Variants in GOLGA3 observed in about 807,000 individuals in gnomAD.
The protein encoded by GOLGA3 is golgin subfamily A member 3.
Under a neutral mutation model 169.4 loss-of-function variants are expected in GOLGA3, and 75 were observed. The ratio of observed to expected loss-of-function variants is 0.44; its 90% CI spans 0.37 to 0.54. The LOEUF (loss-of-function observed/expected upper bound fraction) is 0.54. Ranked by LOEUF, GOLGA3 falls within the 20% of genes least tolerant of loss-of-function variation. GOLGA3 has a pLI of 0.00. For synonymous variants in GOLGA3, 824 were observed against 822.4 expected, an observed-to-expected ratio of 1.00 and a Z score of -0.03; for missense variants, 1,899 against 1,930.0, an observed-to-expected ratio of 0.98 and a Z score of 0.30.
chr12:132,774,303 G>C lies in GOLGA3; in HGVS notation c.4161C>G (p.Gly1387=). ...GAAKTRKEPK[G]EASSSNPATP... ...TGGCAGGGTTGGAAGAGCTGGCCTCGCCTTTCGGCTCCTTTCTCTGTTTTT... is the reference window on the plus strand; with the variant it reads ...TGGCAGGGTTGGAAGAGCTGGCCTCCCCTTTCGGCTCCTTTCTCTGTTTTT... Residue 1387 remains glycine, a synonymous_variant, in exon 23 of 24, where the codon GGC becomes GGG. Coordinates refer to ENST00000450791, the MANE Select transcript of GOLGA3 (RefSeq NM_001389683.1). 1 of 1,612,158 alleles carries C rather than the reference G, an allele frequency of 6.2e-7. No homozygotes were observed. Among genetic ancestry groups the C allele is most frequent in the African/African-American group, 1.3e-5 (1 of 75,052 alleles).
chr12:132,773,153 T>G lies in GOLGA3; in HGVS notation c.4449A>C (p.Pro1483=), dbSNP rs568807811. 2 of 1,586,480 alleles carry G rather than the reference T, an allele frequency of 1.3e-6. No individual in the cohort carries two copies. Among genetic ancestry groups the G allele is most frequent in the South Asian group, 1.1e-5 (1 of 87,412 alleles). ...PGGHAGPRGD[P]QRHSQSRASK... is the part of the protein sequence containing the mutation. ...AAGCCCTGCTCTGACTGTGTCTCTG[T>G]GGGTCGCCGCGTGGGCCGGCGTGAC... The change falls in exon 24 of 24, where the codon CCA becomes CCC. Residue 1483 remains proline, a synonymous_variant. Transcript: ENST00000450791.
intron 17 of GOLGA3, among the ~76,000 whole-genome samples, chr12:132,782,060 C>T (rs1388748478): frequency 5.9e-5 from 9 of 152,134 alleles, no homozygotes; most frequent in Non-Finnish European, 1.0e-4. Context: ...GGACTCAGGG[C>T]TGTGGGTCAC....
chr12:132,796,819 A>G lies in GOLGA3; in HGVS notation c.1939-119T>C, dbSNP rs1026199569. Reference sequence around the variant, plus strand: ...TGGCATGGGCCCCATCCACCTCCTCATCCTGTCTACCGACTGCAGACTGAG... The same window carrying G: ...TGGCATGGGCCCCATCCACCTCCTCGTCCTGTCTACCGACTGCAGACTGAG... On this transcript the variant is annotated intron_variant, in intron 9 of 23. Coordinates refer to ENST00000450791, the MANE Select transcript of GOLGA3 (RefSeq NM_001389683.1). 4.0e-6 allele frequency: 4 copies of G among 995,200 alleles called. No homozygotes were observed. In the African/African-American group the frequency reaches 6.4e-5, roughly 16 times the overall value. The allele number at this position is 995,200 out of a possible 1,614,324, so 61.6% of individuals were successfully genotyped here. A position where few individuals can be genotyped will look rare whatever the true frequency, so the allele number is the denominator to read the frequency against.
At chr12:132,776,807 G>T (rs1035714533) in intron 20 of GOLGA3, 51 bp from the exon 21 acceptor site, 1 of 1,600,860 alleles carries the variant, frequency 6.2e-7, no homozygotes. Context: ...TGGCTTTACT[G>T]CCCTGGAAAA....
In GOLGA3 at chr12:132,805,001, G is replaced by A. The variant is rs1168685444; in HGVS notation, c.1312C>T (p.Leu438=). The A allele has an allele frequency of 1.3e-5, 21 of 1,610,074 alleles. No homozygotes were observed. The highest frequency in any genetic ancestry group is 1.7e-5 in the Non-Finnish European group (20 of 1,179,600). The change falls in exon 7 of 24, where the codon CTG becomes TTG. Residue 438 remains leucine, a synonymous_variant. Transcript: ENST00000450791. ...CTGAGGGCGGCCAGCTGGGCCTGCAGCTCAGCCTTCTCTTTAAGTGCCTGA... is the reference window on the plus strand; with the variant it reads ...CTGAGGGCGGCCAGCTGGGCCTGCAACTCAGCCTTCTCTTTAAGTGCCTGA... ...ASQALKEKAE[L]QAQLAALSTK...
chr12:132,808,826 G>C (rs953946757), intron 4 of GOLGA3, among the ~76,000 whole-genome samples: 3 of 152,206 alleles, frequency 2.0e-5, no homozygotes, highest in Non-Finnish European at 4.4e-5. Flanking sequence ...ACACATCCCA[G>C]CAAGTACCTC....
intron 17 of GOLGA3, 112 bp downstream of exon 17, chr12:132,782,184 G>C: frequency 1.0e-6 from 1 of 994,608 alleles, no homozygotes; most frequent in South Asian, 1.3e-5. Context: ...GCTGCAGGCC[G>C]GGTGGGCTAG....
intron 21 of GOLGA3, 43 bp from the exon 22 acceptor site, chr12:132,775,348 A>G: frequency 6.5e-7 from 1 of 1,539,446 alleles, no homozygotes; most frequent in Non-Finnish European, 8.9e-7. Flanking sequence ...AACAGATCTT[A>G]AACATCCTGC....
intron 2 of GOLGA3, among the ~76,000 whole-genome samples, chr12:132,818,807 G>A (rs977193902): frequency 2.0e-5 from 3 of 152,118 alleles, no homozygotes; most frequent in African/African-American, 7.2e-5. Context: ...CACCACCCGT[G>A]AAGCAGAGAC....
At chr12:132,798,014 G>A (rs192059363) in intron 9 of GOLGA3, among the ~76,000 whole-genome samples, 2 of 152,328 alleles carry the variant, frequency 1.3e-5, no homozygotes, top group Non-Finnish European at 2.9e-5. Flanking sequence ...ATGACTGACA[G>A]CCGGGGGCCC....
At chr12:132,802,580 G>A (rs183512896) in intron 7 of GOLGA3, among the ~76,000 whole-genome samples, 1 of 149,654 alleles carries the variant, frequency 6.7e-6, no homozygotes, top group Non-Finnish European at 1.5e-5. Flanking sequence ...AGCCACAACT[G>A]CACTGCTGCA....
intron 16 of GOLGA3, among the ~76,000 whole-genome samples, chr12:132,783,468 G>A (rs907916245): frequency 3.3e-4 from 13 of 39,524 alleles, no homozygotes; most frequent in African/African-American, 8.2e-4. Context: ...GGAACAGGCG[G>A]CCCTACTGTG....
At position 132,791,202 on chromosome 12, in the gene GOLGA3, C is replaced by T. The variant is rs118137428; in HGVS notation, c.2547+14G>A. ...TGCTTGTTTCAAGTGAAGAAATCAA[C>T]AACAGATTTTTACCTTTTGTTGGAG... On this transcript the variant is annotated intron_variant, in intron 12 of 23. Coordinates refer to ENST00000450791, the MANE Select transcript of GOLGA3 (RefSeq NM_001389683.1). 41,264 of 1,503,820 alleles carry T rather than the reference C, an allele frequency of 0.027. 1,187 individuals carry two copies. Among genetic ancestry groups the T allele is most frequent in the Admixed American group, 0.14 (8,534 of 59,378 alleles). The allele number at this position is 1,503,820 out of a possible 1,614,324, so 93.2% of individuals were successfully genotyped here.
intron 3 of GOLGA3, among the ~76,000 whole-genome samples, chr12:132,813,646 T>TG (rs1225849635): frequency 1.3e-5 from 2 of 151,716 alleles, no homozygotes; most frequent in Non-Finnish European, 2.9e-5. Context: ...GGCCAGGCAC[T>TG]GGGTCTGTGA....
At position 132,809,099 on chromosome 12, in the gene GOLGA3, C is replaced by T. The variant is rs543064763; in HGVS notation, c.520-550G>A. Among the ~76,000 whole-genome samples, 76 of 152,338 alleles carry T rather than the reference C, an allele frequency of 5.0e-4. No individual in the cohort carries two copies. In the South Asian group the frequency reaches 9.1e-3, roughly 18 times the overall value. ...ATGATAGGTAAGGTCACGTGGGTCA[C>T]GTGTCCACTGGACGGGGGCCCTTCC... On this transcript the variant is annotated intron_variant, in intron 4 of 23. Transcript: ENST00000450791.
chr12:132,812,014 A>AC, intron 4 of GOLGA3, among the ~76,000 whole-genome samples: 2 of 149,718 alleles, frequency 1.3e-5, no homozygotes, highest in South Asian at 4.2e-4. Context: ...AAAAAAAAAA[A>AC]AAAAAAAAAC....
At chr12:132,779,077 T>C (rs1443605058) in intron 18 of GOLGA3, among the ~76,000 whole-genome samples, 2 of 152,092 alleles carry the variant, frequency 1.3e-5, no homozygotes, top group Admixed American at 6.5e-5. Flanking sequence ...TGTTAAAATA[T>C]TCCAGCCACA....
Position 132,787,786 on chromosome 12 carries a change from CG to C in GOLGA3, c.2812-1000del, listed in dbSNP as rs1566088137. ...CCCCGGAGACCACGGGACCCCTCCCCGGAGACCACGGGACCCCTCCCCGGAG... is the reference window on the plus strand; with the variant it reads ...CCCCGGAGACCACGGGACCCCTCCCCGAGACCACGGGACCCCTCCCCGGAG... On this transcript the variant is annotated intron_variant, in intron 13 of 23. Transcript: ENST00000450791. 2.4e-4 allele frequency among the ~76,000 whole-genome samples: 15 copies of C among 63,302 alleles called. 2 individuals carry two copies. Among genetic ancestry groups the C allele is most frequent in the Non-Finnish European group, 3.0e-4 (9 of 30,022 alleles). 41.5% of individuals were successfully genotyped at this position (63,302 alleles called of 152,430 possible). A position where few individuals can be genotyped will look rare whatever the true frequency, so the allele number is the denominator to read the frequency against.
chr12:132,814,459 A>C (rs1340215477), intron 3 of GOLGA3, among the ~76,000 whole-genome samples: 2 of 152,176 alleles, frequency 1.3e-5, no homozygotes, highest in African/African-American at 4.8e-5. Context: ...CGCTGGGAGA[A>C]CCTGAAACGC....
Sources: gnomAD v4.1 joint callset for allele counts (sites outside exome capture counted in the v4.1 genomes callset) on GRCh38, gnomAD v4.1.1 for gene constraint, MANE v1.5 for transcripts, NCBI Gene and HGNC (gene_info 2026-07-23, HGNC 2026-07-21) for gene names.